PBX1: variants seen among roughly 807,000 people sequenced by gnomAD.
PBX1 encodes PBX homeobox 1.
Under a neutral mutation model 53.4 loss-of-function variants are expected in PBX1, and 6 were observed. The ratio of observed to expected loss-of-function variants is 0.11; its 90% confidence interval spans 0.06 to 0.22. PBX1 has a LOEUF of 0.22. Among genes scored for constraint, PBX1 ranks in the 10% least tolerant of loss-of-function variants. PBX1 has a pLI of 1.00. For synonymous variants in PBX1, 204 were observed against 212.3 expected (o/e 0.96, Z 0.34); for missense variants, 251 against 551.4 (o/e 0.46, Z 5.46).
chr1:164,790,016 A>C (rs1668411953), intron 2 of PBX1, among the ~76,000 whole-genome samples: 1 of 151,932 alleles, frequency 6.6e-6, no homozygotes, highest in African/African-American at 2.4e-5. Flanking sequence ...TTTGTGGATA[A>C]GGCTATTAAA....
rs1276171817 is a variant in PBX1 at position 164,739,770 on chromosome 1, TG to T, written c.266-52723del. Among the ~76,000 whole-genome samples the T allele has an allele frequency of 4.1e-4, 62 of 151,562 alleles. No individual in the cohort carries two copies. In the Middle Eastern group the frequency reaches 0.02, roughly 50 times the overall value. On this transcript the variant is annotated intron_variant, in intron 2 of 8. Transcript: ENST00000420696. The stretch of plus-strand genomic sequence containing the variant: ...GGTTGTGCATGTGTGTGTGTGTGTG[TG>T]TGTGTGTGTGTGTGTGTGTATGTAT...
At chr1:164,857,039 G>A (rs1326694573) in intron 2 of PBX1, among the ~76,000 whole-genome samples, 1 of 152,040 alleles carries the variant, frequency 6.6e-6, no homozygotes, top group African/African-American at 2.4e-5. Context: ...AACCAACTAG[G>A]TGTCCTACAA....
intron 2 of PBX1, among the ~76,000 whole-genome samples, chr1:164,603,953 T>TTTTTTTTTTTTTTTTTTG: frequency 9.3e-6 from 1 of 108,032 alleles, no homozygotes. Flanking sequence ...TTTTTTTTTT[T>TTTTTTTTTTTTTTTTTTG]TTTTTTTTTA....
chr1:164,673,872 T>TC (rs146102311), intron 2 of PBX1, among the ~76,000 whole-genome samples: 5 of 152,020 alleles, frequency 3.3e-5, no homozygotes, highest in Non-Finnish European at 4.4e-5. Context: ...GCTTCTGGAG[T>TC]CCCCTTGTCC....
intron 2 of PBX1, among the ~76,000 whole-genome samples, chr1:164,669,882 T>C (rs981294726): frequency 3.3e-5 from 5 of 152,202 alleles, no homozygotes; most frequent in African/African-American, 9.7e-5. Context: ...ATTTAGGTGC[T>C]CTGATGTTGG....
At chr1:164,589,786 T>C (rs1655231116) in intron 2 of PBX1, among the ~76,000 whole-genome samples, 1 of 152,218 alleles carries the variant, frequency 6.6e-6, no homozygotes, top group African/African-American at 2.4e-5. Flanking sequence ...GAAGGTGAAG[T>C]GACTTTTCCA....
chr1:164,865,087 AG>A (rs1056781593), intron 2 of PBX1, among the ~76,000 whole-genome samples: 4 of 152,234 alleles, frequency 2.6e-5, no homozygotes, highest in African/African-American at 9.6e-5. Flanking sequence ...GCATTTTATA[AG>A]GTGTACTGAC....
intron 2 of PBX1, among the ~76,000 whole-genome samples, chr1:164,882,455 G>A (rs7519643): frequency 0.38 from 58,470 of 151,984 alleles, 11,500 homozygotes; most frequent in Middle Eastern, 0.48. Flanking sequence ...TTGTCCATAC[G>A]TAAGTTCATA....
intron 8 of PBX1, among the ~76,000 whole-genome samples, chr1:164,826,969 G>A (rs1670500876): frequency 6.6e-6 from 1 of 152,146 alleles, no homozygotes; most frequent in Non-Finnish European, 1.5e-5. Context: ...TGTAACATAG[G>A]TGTTTTTGTT....
intron 2 of PBX1, among the ~76,000 whole-genome samples, chr1:164,731,714 C>T (rs1160945171): frequency 3.3e-5 from 5 of 152,192 alleles, no homozygotes; most frequent in East Asian, 3.8e-4. Context: ...TAATTTACTG[C>T]GACTTGGCTA....
chr1:164,823,618 G>T (rs552432411), intron 8 of PBX1, among the ~76,000 whole-genome samples: 262 of 82,514 alleles, frequency 3.2e-3, no homozygotes, highest in Admixed American at 6.4e-3. Flanking sequence ...TCTGGGGGGT[G>T]GGGGGGGGGG....
At chr1:164,820,893 G>A (rs1670116860) in intron 7 of PBX1, among the ~76,000 whole-genome samples, 1 of 152,136 alleles carries the variant, frequency 6.6e-6, no homozygotes, top group Non-Finnish European at 1.5e-5. Flanking sequence ...TCTGAGCCAT[G>A]TCAGCCTAGT....
rs767565258 is a variant in PBX1, at chr1:164,812,154, G to GT, written c.997+11dup. 12 of 1,604,090 alleles carry GT rather than the reference G, an allele frequency of 7.5e-6. No homozygotes were observed. The African/African-American group carries it at 1.3e-4, about 18-fold the overall frequency. ...CCTCAACTCCCAACTCGGCTGGTTA[G>GT]TTTTTTCTTTGATTGGGGGTGGGGG... On this transcript the variant is annotated splice_donor_region_variant and intron_variant, in intron 6 of 8. Coordinates refer to ENST00000420696, the MANE Select transcript of PBX1 (RefSeq NM_002585.4).
intron 2 of PBX1, among the ~76,000 whole-genome samples, chr1:164,767,207 G>A (rs1303102857): frequency 1.3e-5 from 2 of 152,040 alleles, no homozygotes; most frequent in Non-Finnish European, 2.9e-5. Flanking sequence ...TTCTGAGGCA[G>A]GGCAGACTAT....
At chr1:164,790,600 C>T (rs1284421461) in intron 2 of PBX1, among the ~76,000 whole-genome samples, 1 of 152,148 alleles carries the variant, frequency 6.6e-6, no homozygotes, top group African/African-American at 2.4e-5. Context: ...TTCTGCCCTG[C>T]ACCTTTTGTC....
At chr1:164,861,006 A>G (rs1672083478) in intron 2 of PBX1, among the ~76,000 whole-genome samples, 1 of 151,122 alleles carries the variant, frequency 6.6e-6, no homozygotes, top group East Asian at 2.0e-4. Flanking sequence ...GGAGGTGGAA[A>G]GGGCAAAAGA....
chr1:164,636,155 TC>T (rs371968085), intron 2 of PBX1, among the ~76,000 whole-genome samples: 283 of 123,730 alleles, frequency 2.3e-3, no homozygotes, highest in African/African-American at 6.1e-3. Flanking sequence ...TCTCTCTCTC[TC>T]TTTTTTTTTT....
intron 2 of PBX1, among the ~76,000 whole-genome samples, chr1:164,763,380 T>C (rs1001119212): frequency 8.5e-5 from 13 of 152,238 alleles, no homozygotes; most frequent in Non-Finnish European, 2.9e-5. Flanking sequence ...AGAATAACTG[T>C]AGACTTATTC....
At chr1:164,814,524 G>A (rs2200794) in intron 6 of PBX1, 32,372 of 152,068 alleles carry the variant, frequency 0.21, 4,222 homozygotes, top group Non-Finnish European at 0.29. Context: ...GGCGGATCAC[G>A]AGGTCAGGAG....
Sources: gnomAD v4.1 joint callset for allele counts (sites outside exome capture counted in the v4.1 genomes callset) on GRCh38, gnomAD v4.1.1 for gene constraint, MANE v1.5 for transcripts, NCBI Gene and HGNC (gene_info 2026-07-23, HGNC 2026-07-21) for gene names.